The following CDK19 variants were observed in gnomAD, a reference collection of about 807,000 sequenced individuals.
CDK19 encodes cyclin-dependent kinase 19.
Under a neutral mutation model 68.3 loss-of-function variants are expected in CDK19, and 20 were observed. The ratio of observed to expected loss-of-function variants is 0.29; its 90% CI spans 0.21 to 0.43. The LOEUF is 0.43. CDK19 is among the 20% of genes least tolerant of loss of function. The pLI is 1.00. For missense variants in CDK19, 339 were observed against 623.5 expected (o/e 0.54, Z 4.86); for synonymous variants, 221 against 222.8 (o/e 0.99, Z 0.07).
intron 1 of CDK19, among the ~76,000 whole-genome samples, chr6:110,783,883 G>C (rs958862491): frequency 1.3e-5 from 2 of 151,936 alleles, no homozygotes; most frequent in African/African-American, 4.8e-5. Context: ...AGGCAGGCTG[G>C]GCACGGTGGC....
intron 12 of CDK19, among the ~76,000 whole-genome samples, chr6:110,616,440 G>A (rs1562121143): frequency 6.6e-6 from 1 of 152,130 alleles, no homozygotes; most frequent in Non-Finnish European, 1.5e-5. Context: ...GGCTGAGCTG[G>A]GCAGATCACC....
At chr6:110,739,698 G>A (rs923671352) in intron 2 of CDK19, among the ~76,000 whole-genome samples, 15 of 151,118 alleles carry the variant, frequency 9.9e-5, no homozygotes, top group Admixed American at 2.6e-4. Context: ...TGGTGCAATC[G>A]TAACTCACTG....
chr6:110,756,962 C>G (rs1275373493), intron 1 of CDK19, among the ~76,000 whole-genome samples: 1 of 152,148 alleles, frequency 6.6e-6, no homozygotes, highest in Non-Finnish European at 1.5e-5. Context: ...ATAGAGGTGA[C>G]TGTTAAAACC....
chr6:110,645,807 GACGGAGGGATGGCCGC>G (rs1780523769), intron 4 of CDK19: 1 of 607,108 alleles, frequency 1.6e-6, no homozygotes, highest in African/African-American at 1.8e-5. Context: ...CCTATCTAGA[GACGGAGGGATGGCCGC>G]GCACGACGCG....
chr6:110,741,672 A>C (rs1031806084), intron 2 of CDK19, among the ~76,000 whole-genome samples: 1 of 151,778 alleles, frequency 6.6e-6, no homozygotes, highest in Non-Finnish European at 1.5e-5. Context: ...GAAAAAAAAA[A>C]CCCTCTTCAT....
intron 2 of CDK19, among the ~76,000 whole-genome samples, chr6:110,714,217 T>C (rs62420300): frequency 0.039 from 5,972 of 152,344 alleles, 167 homozygotes; most frequent in Middle Eastern, 0.065. Context: ...TTGTTTCATT[T>C]CACATAATGT....
intron 2 of CDK19, among the ~76,000 whole-genome samples, chr6:110,721,150 G>C (rs1775853297): frequency 2.0e-5 from 3 of 152,158 alleles, no homozygotes; most frequent in Admixed American, 6.5e-5. Context: ...TGAGGCAGGA[G>C]AATCGCTTGA....
At chr6:110,705,910 T>C (rs1001574365) in intron 2 of CDK19, among the ~76,000 whole-genome samples, 90 of 152,188 alleles carry the variant, frequency 5.9e-4, no homozygotes, top group African/African-American at 2.1e-3. Flanking sequence ...GATGGGTTGA[T>C]GGGTGCAGCA....
At chr6:110,715,766 C>T (rs960373330) in intron 2 of CDK19, among the ~76,000 whole-genome samples, 40 of 152,178 alleles carry the variant, frequency 2.6e-4, no homozygotes, top group Non-Finnish European at 4.1e-4. Flanking sequence ...GGATTACAGG[C>T]GTGAGCCATC....
Position 110,610,113 on chromosome 6 carries a change from C to G in CDK19, c.*4422G>C, listed in dbSNP as rs1777941717. On this transcript the variant is annotated 3_prime_UTR_variant, in exon 13 of 13. Transcript: ENST00000368911. ...AAACCCTCGCTCCAAAGCAGTAGCT[C>G]GTCCTGCACTCCATGGAGCAGGCCT... The G allele has an allele frequency of 6.6e-6, 1 of 152,190 alleles. No individual in the cohort carries two copies. Among genetic ancestry groups the G allele is most frequent in the African/African-American group, 2.4e-5 (1 of 41,448 alleles). 9.4% of individuals were successfully genotyped at this position (152,190 alleles called of 1,614,324 possible).
chr6:110,731,628 A>G (rs1033775896), intron 2 of CDK19, among the ~76,000 whole-genome samples: 1 of 152,202 alleles, frequency 6.6e-6, no homozygotes, highest in African/African-American at 2.4e-5. Context: ...AGAAAGGAAA[A>G]ATATACTAGC....
At chr6:110,760,281 C>T (rs551056634) in intron 1 of CDK19, among the ~76,000 whole-genome samples, 1 of 150,974 alleles carries the variant, frequency 6.6e-6, no homozygotes, top group East Asian at 2.0e-4. Context: ...CTTACAGTCC[C>T]AGCTACTCAG....
chr6:110,682,730 T>C, intron 2 of CDK19, among the ~76,000 whole-genome samples: 1 of 152,184 alleles, frequency 6.6e-6, no homozygotes, highest in East Asian at 1.9e-4. Flanking sequence ...GGTTTTAGAA[T>C]CAGAGGCTGA....
At chr6:110,814,776 G>T in intron 1 of CDK19, 1 of 666,564 alleles carries the variant, frequency 1.5e-6, no homozygotes, top group South Asian at 1.5e-5. Flanking sequence ...TCTGGGACGG[G>T]ACCGACGCCT....
At chr6:110,754,711 A>C (rs892935813) in intron 1 of CDK19, among the ~76,000 whole-genome samples, 1 of 151,962 alleles carries the variant, frequency 6.6e-6, no homozygotes, top group Non-Finnish European at 1.5e-5. Flanking sequence ...CGATCTCCTG[A>C]CCTCGTGATG....
chr6:110,789,536 C>CA (rs1272909240), intron 1 of CDK19, among the ~76,000 whole-genome samples: 2 of 152,190 alleles, frequency 1.3e-5, no homozygotes, highest in East Asian at 3.9e-4. Flanking sequence ...CTCGGCCTCC[C>CA]AAAGTGCTGG....
rs576828238 is a variant in CDK19, at chr6:110,682,642, G to A, written c.205-12101C>T. Among the ~76,000 whole-genome samples the A allele has an allele frequency of 2.6e-5, 4 of 152,248 alleles. No individual in the cohort carries two copies. In the East Asian group the frequency reaches 7.7e-4, roughly 29 times the overall value. ...GACACTTCCTGGTTACCAGTCATAA[G>A]CTCCAGGGAGGTCAATGTTCCCCTT... On this transcript the variant is annotated intron_variant, in intron 2 of 12. Transcript: ENST00000368911.
chr6:110,760,641 A>G (rs772756977), intron 1 of CDK19, among the ~76,000 whole-genome samples: 28 of 152,236 alleles, frequency 1.8e-4, no homozygotes, highest in Non-Finnish European at 3.2e-4. Flanking sequence ...AGGTGGGAGA[A>G]CAGCTTGAAC....
intron 2 of CDK19, among the ~76,000 whole-genome samples, chr6:110,680,299 G>A (rs1771896837): frequency 6.6e-6 from 1 of 152,202 alleles, no homozygotes; most frequent in Non-Finnish European, 1.5e-5. Context: ...GGAGTGCTAT[G>A]AGGGTATTTC....
Sources: gnomAD v4.1 joint callset for allele counts (sites outside exome capture counted in the v4.1 genomes callset) on GRCh38, gnomAD v4.1.1 for gene constraint, MANE v1.5 for transcripts, NCBI Gene and HGNC (gene_info 2026-07-23, HGNC 2026-07-21) for gene names.